The following STRIP1 variants were observed in gnomAD, a reference collection of about 807,000 sequenced individuals.
STRIP1 encodes the protein striatin interacting protein 1.
STRIP1 carries 63 observed loss-of-function variants against 106.2 expected under a neutral mutation model. That is an observed-to-expected ratio of 0.59 (90% CI 0.48 to 0.73). The LOEUF (loss-of-function observed/expected upper bound fraction) is 0.73. Among genes scored for constraint, STRIP1 ranks in the 30% least tolerant of loss-of-function variants. The pLI, the probability that STRIP1 is intolerant of heterozygous loss-of-function variation, is 0.00. For synonymous variants in STRIP1, 390 were observed against 413.0 expected, an observed-to-expected ratio of 0.94 and a Z score of 0.67; for missense variants, 857 against 1,074.8, an observed-to-expected ratio of 0.80 and a Z score of 2.83.
chr1:110,050,477 C>T, intron 18 of STRIP1, 68 bp downstream of exon 18: 1 of 1,415,738 alleles, frequency 7.1e-7, no homozygotes, highest in Non-Finnish European at 1.0e-6. Flanking sequence ...GCCTGCCTAC[C>T]CCAACACTGC....
At chr1:110,043,921 C>T in intron 10 of STRIP1, 65 bp downstream of exon 10, 3 of 1,432,766 alleles carry the variant, frequency 2.1e-6, no homozygotes, top group Non-Finnish European at 2.9e-6. Context: ...CTCAGGCCTG[C>T]CACCTGGCCT....
At chr1:110,049,835 C>CTT (rs779915216) in intron 17 of STRIP1, 2,124 of 232,780 alleles carry the variant, frequency 9.1e-3, no homozygotes, top group South Asian at 0.018. Context: ...CCCTTCTGTA[C>CTT]TTTTTTTTTT....
At chr1:110,047,444 A>G (rs1570925235) in intron 13 of STRIP1, 98 bp from the exon 14 acceptor site, 1 of 861,332 alleles carries the variant, frequency 1.2e-6, no homozygotes, top group East Asian at 2.6e-5. Context: ...CATTATGTAC[A>G]TCACTGTTTA....
At chr1:110,034,588 G>C, upstream of STRIP1, 1 of 1,461,094 alleles carries the variant, frequency 6.8e-7, no homozygotes, top group Non-Finnish European at 9.0e-7. Flanking sequence ...CGCGAGAGTT[G>C]CATCACGGCG....
chr1:110,050,728 C>T (rs997179735), intron 18 of STRIP1, among the ~76,000 whole-genome samples: 3 of 152,202 alleles, frequency 2.0e-5, no homozygotes, highest in African/African-American at 7.2e-5. Context: ...GGCCACAGCT[C>T]CCAGTATCAT....
At chr1:110,038,200 TC>T in intron 2 of STRIP1, 1 of 171,202 alleles carries the variant, frequency 5.8e-6, no homozygotes, top group Non-Finnish European at 1.2e-5. Context: ...TAGAGCCCAG[TC>T]CCATTGTGAG....
intron 6 of STRIP1, 51 bp downstream of exon 6, chr1:110,040,754 C>G: frequency 6.5e-7 from 1 of 1,526,792 alleles, no homozygotes; most frequent in Non-Finnish European, 8.9e-7. Context: ...GAGATGAGAT[C>G]AGAGCAGGGT....
At chr1:110,033,560 A>G (rs1232128618), upstream of STRIP1, among the ~76,000 whole-genome samples, 1 of 152,252 alleles carries the variant, frequency 6.6e-6, no homozygotes, top group African/African-American at 2.4e-5. Context: ...TGCATGGTAG[A>G]GAGCCTCTCA....
At chr1:110,052,684 G>T (rs1046526090) in intron 20 of STRIP1, among the ~76,000 whole-genome samples, 2 of 152,020 alleles carry the variant, frequency 1.3e-5, no homozygotes, top group African/African-American at 4.8e-5. Context: ...TAGCCAGGCT[G>T]GCCTCGAGTT....
At chr1:110,034,471 G>A (rs1433951005), upstream of STRIP1, 5 of 691,980 alleles carry the variant, frequency 7.2e-6, no homozygotes, top group East Asian at 1.4e-4. Flanking sequence ...ATCAACAAGG[G>A]AAGGACTGCA....
At chr1:110,049,293 C>T (rs1653177110) in intron 16 of STRIP1, 55 bp downstream of exon 16, 2 of 1,611,810 alleles carry the variant, frequency 1.2e-6, no homozygotes, top group African/African-American at 1.3e-5. Flanking sequence ...GGCACTGCTG[C>T]TCCTCCAGCC....
intron 17 of STRIP1, 124 bp from the exon 18 acceptor site, chr1:110,050,219 G>C: frequency 1.2e-6 from 1 of 860,282 alleles, no homozygotes; most frequent in South Asian, 1.6e-5. Context: ...GACACATCAG[G>C]TAGATTCCTA....
upstream of STRIP1, chr1:110,034,593 A>G: frequency 6.8e-7 from 1 of 1,466,348 alleles, no homozygotes; most frequent in Admixed American, 2.9e-5. Context: ...GAGTTGCATC[A>G]CGGCGGCTGT....
At chr1:110,035,003 T>C (rs1652372985) in intron 1 of STRIP1, among the ~76,000 whole-genome samples, 186 bp downstream of exon 1, 3 of 151,810 alleles carry the variant, frequency 2.0e-5, no homozygotes, top group African/African-American at 7.3e-5. Flanking sequence ...GGAGCATGAG[T>C]CCTTGCTCTA....
intron 15 of STRIP1, chr1:110,048,125 T>C: frequency 2.2e-6 from 1 of 459,470 alleles, no homozygotes; most frequent in Non-Finnish European, 4.0e-6. Flanking sequence ...AGTCATTTCC[T>C]CCTCTGTAAA....
chr1:110,054,006 C>T lies in STRIP1; in HGVS notation c.*94C>T. 2 of 1,482,074 alleles carry T rather than the reference C, an allele frequency of 1.3e-6. No homozygotes were observed. The highest frequency in any genetic ancestry group is 1.3e-5 in the South Asian group (1 of 79,756). The allele number at this position is 1,482,074 out of a possible 1,614,324, so 91.8% of individuals were successfully genotyped here. A position where few individuals can be genotyped will look rare whatever the true frequency, so the allele number is the denominator to read the frequency against. ...TCATTGCTGCAGTGCTCCCATCCCCCACCAGGTGGCAGCACAGCCCCACTG... is the reference window on the plus strand; with the variant it reads ...TCATTGCTGCAGTGCTCCCATCCCCTACCAGGTGGCAGCACAGCCCCACTG... On this transcript the variant is annotated 3_prime_UTR_variant, in exon 21 of 21. Coordinates refer to ENST00000369795, the MANE Select transcript of STRIP1 (RefSeq NM_033088.4).
At chr1:110,042,915 G>A (rs757104067) in intron 8 of STRIP1, 173 bp from the exon 9 acceptor site, 55 of 593,328 alleles carry the variant, frequency 9.3e-5, no homozygotes, top group Admixed American at 7.1e-4. Flanking sequence ...TTTCCCTTGC[G>A]GATGTCACGG....
upstream of STRIP1, among the ~76,000 whole-genome samples, chr1:110,032,515 C>T (rs568479276): frequency 6.6e-4 from 101 of 152,226 alleles, no homozygotes; most frequent in South Asian, 1.7e-3. Flanking sequence ...GTTATTATTA[C>T]GCAACACTTC....
At position 110,046,668 on chromosome 1, in the gene STRIP1, C is replaced by G. The variant is rs765526022; in HGVS notation, c.1417-12C>G. The G allele has an allele frequency of 1.2e-6, 2 of 1,613,014 alleles. No individual in the cohort carries two copies. Among genetic ancestry groups the G allele is most frequent in the Non-Finnish European group, 8.5e-7 (1 of 1,179,300 alleles). ...TTTTCCCCAGCCCTTCTTTTCCCAT[C>G]TCTCCCACCAGCACAAGTACACGTC... On this transcript the variant is annotated splice_polypyrimidine_tract_variant and intron_variant, in intron 12 of 20. Transcript: ENST00000369795.
Sources: gnomAD v4.1 joint callset for allele counts (sites outside exome capture counted in the v4.1 genomes callset) on GRCh38, gnomAD v4.1.1 for gene constraint, MANE v1.5 for transcripts, NCBI Gene and HGNC (gene_info 2026-07-23, HGNC 2026-07-21) for gene names.